The following PTPRT variants were observed in gnomAD, a reference collection of about 807,000 sequenced individuals.
PTPRT encodes protein tyrosine phosphatase receptor type T.
Under a neutral mutation model 176.8 loss-of-function variants are expected in PTPRT, and 56 were observed. That is an observed-to-expected ratio of 0.32 (90% CI 0.26 to 0.40). The LOEUF is 0.40. Ranked by LOEUF, PTPRT falls within the 10% of genes least tolerant of loss-of-function variation. PTPRT has a pLI of 1.00. For synonymous variants in PTPRT, 783 were observed against 739.0 expected (o/e 1.06, Z -0.96); for missense variants, 1,540 against 1,908.2 (o/e 0.81, Z 3.60).
chr20:42,826,875 C>T (rs6130231), intron 2 of PTPRT, among the ~76,000 whole-genome samples: 15,170 of 152,064 alleles, frequency 0.1, 1,040 homozygotes, highest in East Asian at 0.35. Context: ...ATCTACCAAG[C>T]AAATAGAAAT....
chr20:42,050,642 G>A, the PTPRT span, among the ~76,000 whole-genome samples: 1 of 152,238 alleles, frequency 6.6e-6, no homozygotes, highest in African/African-American at 2.4e-5. Context: ...GAAGGAATAT[G>A]TCTATTTTTA....
intron 15 of PTPRT, among the ~76,000 whole-genome samples, chr20:42,229,804 C>A (rs2056097133): frequency 6.6e-6 from 1 of 152,108 alleles, no homozygotes; most frequent in Non-Finnish European, 1.5e-5. Flanking sequence ...GGCCTTAAAC[C>A]CACAGAAGCA....
intron 10 of PTPRT, among the ~76,000 whole-genome samples, chr20:42,350,987 T>G (rs6093628): frequency 0.015 from 2,343 of 152,282 alleles, 78 homozygotes; most frequent in African/African-American, 0.054. Context: ...AACCAAAACG[T>G]TCCACACCTA....
In PTPRT at chr20:42,334,438, C is replaced by G. The variant is rs1353795380; in HGVS notation, c.1865+16190G>C. Among the ~76,000 whole-genome samples, 6 of 152,180 alleles carry G rather than the reference C, an allele frequency of 3.9e-5. No individual in the cohort carries two copies. The East Asian group carries it at 1.2e-3, about 29-fold the overall frequency. ...ATTCACAAAAAAGAAATGTTAATAG[C>G]ATAAAAATACCTAGAAAAATATTCT... is the stretch of plus-strand genomic sequence containing the variant. On this transcript the variant is annotated intron_variant, in intron 11 of 30. Coordinates refer to ENST00000373187, the MANE Select transcript of PTPRT (RefSeq NM_007050.6).
intron 1 of PTPRT, among the ~76,000 whole-genome samples, chr20:43,170,536 C>T (rs1382130037): frequency 6.6e-6 from 1 of 152,162 alleles, no homozygotes; most frequent in Non-Finnish European, 1.5e-5. Flanking sequence ...CTCTAAAATC[C>T]ACCCATCAAA....
At chr20:42,913,383 G>T (rs1309538666) in intron 1 of PTPRT, among the ~76,000 whole-genome samples, 1 of 152,038 alleles carries the variant, frequency 6.6e-6, no homozygotes, top group African/African-American at 2.4e-5. Flanking sequence ...GCATTCCCTG[G>T]CTTGAAGATG....
intron 1 of PTPRT, among the ~76,000 whole-genome samples, chr20:42,909,874 G>C (rs172271): frequency 0.076 from 11,522 of 152,176 alleles, 1,255 homozygotes; most frequent in African/African-American, 0.24. Flanking sequence ...TGCTATTGTC[G>C]ACAGCTCTAG....
At chr20:42,486,048 C>T (rs1369849820) in intron 7 of PTPRT, among the ~76,000 whole-genome samples, 1 of 152,178 alleles carries the variant, frequency 6.6e-6, no homozygotes, top group Non-Finnish European at 1.5e-5. Flanking sequence ...CTAGAAGACA[C>T]ATTATCTGAC....
chr20:42,918,817 G>A (rs1477631565), intron 1 of PTPRT, among the ~76,000 whole-genome samples: 3 of 152,142 alleles, frequency 2.0e-5, no homozygotes, highest in Non-Finnish European at 2.9e-5. Context: ...CGAGTTTTGT[G>A]TGTGTGTGTT....
At chr20:42,655,061 C>T (rs1160661350) in intron 7 of PTPRT, among the ~76,000 whole-genome samples, 1 of 152,108 alleles carries the variant, frequency 6.6e-6, no homozygotes, top group Non-Finnish European at 1.5e-5. Flanking sequence ...ACATGTAATA[C>T]CCCTTCCACC....
chr20:42,251,717 T>TA (rs5841455), intron 13 of PTPRT, among the ~76,000 whole-genome samples: 76,305 of 142,156 alleles, frequency 0.54, 20,625 homozygotes, highest in Non-Finnish European at 0.57. Flanking sequence ...CTGTTGTACT[T>TA]AAAAAACAAA....
Position 42,161,540 on chromosome 20 carries a change from C to T in PTPRT, c.2494G>A (p.Asp832Asn), listed in dbSNP as rs267605935. Residue 832 changes from aspartate to asparagine, a missense_variant and splice_region_variant, in exon 17 of 31, where the codon GAT becomes AAT. Asp to Asn is a conservative substitution (Grantham distance 23). Around this residue, in one of 11 missense-constraint regions of PTPRT, gnomAD observed 255 missense variants for 250.1 expected, o/e 1.02. Coordinates refer to ENST00000373187, the MANE Select transcript of PTPRT (RefSeq NM_007050.6). The stretch of plus-strand genomic sequence containing the variant: ...TGGGAAAGCTCCCCGCGGCTGCCAT[C>T]TGCTTCGAAAAGAAGGAGGCAGAAC... ...SSSQDVNGFT[D>N]GSRGELSQPT... 6.2e-7 allele frequency: 1 copy of T among 1,603,398 alleles called. No individual in the cohort carries two copies. Among genetic ancestry groups the T allele is most frequent in the Non-Finnish European group, 8.5e-7 (1 of 1,175,012 alleles).
intron 17 of PTPRT, among the ~76,000 whole-genome samples, chr20:42,154,495 A>T (rs1568975334): frequency 6.6e-6 from 1 of 152,244 alleles, no homozygotes; most frequent in Non-Finnish European, 1.5e-5. Flanking sequence ...CTGGAAAATG[A>T]ACAAATGTTT....
At chr20:43,077,454 G>A (rs6030633) in intron 1 of PTPRT, among the ~76,000 whole-genome samples, 74,381 of 151,930 alleles carry the variant, frequency 0.49, 18,763 homozygotes, top group East Asian at 0.75. Context: ...GGAGTATAGC[G>A]GTGTGGATCA....
At position 42,886,379 on chromosome 20, in the gene PTPRT, T is replaced by C. The variant is rs148508755; in HGVS notation, c.89-447A>G. Among the ~76,000 whole-genome samples, 12 of 152,266 alleles carry C rather than the reference T, an allele frequency of 7.9e-5. No individual in the cohort carries two copies. The East Asian group carries it at 2.3e-3, about 29-fold the overall frequency. Reference sequence around the variant, plus strand: ...GCTGTGTGAGCTCAGGCCAGATGCTTCATACCTGAGCATCTCCGTTTCCTC... The same window carrying C: ...GCTGTGTGAGCTCAGGCCAGATGCTCCATACCTGAGCATCTCCGTTTCCTC... On this transcript the variant is annotated intron_variant, in intron 1 of 30. Coordinates refer to ENST00000373187, the MANE Select transcript of PTPRT (RefSeq NM_007050.6).
chr20:43,134,359 G>A (rs1483240703), intron 1 of PTPRT, among the ~76,000 whole-genome samples: 2 of 152,196 alleles, frequency 1.3e-5, no homozygotes, highest in East Asian at 1.9e-4. Flanking sequence ...TGCTAGGTCA[G>A]TTTAGCAAGA....
rs768080351 is a variant in PTPRT at position 42,098,520 on chromosome 20, G to C, written c.3747C>G (p.Thr1249=). The change falls in exon 27 of 31, where the codon ACC becomes ACG. Residue 1249 remains threonine, a synonymous_variant. Coordinates refer to ENST00000373187, the MANE Select transcript of PTPRT (RefSeq NM_007050.6). ...CCACGGTGTTGGGTAGAGGGTGCTG[G>C]GTGACCACGAAGGCGGCAGGCTGCT... ...SHKQPAAFVV[T]QHPLPNTVAD... The C allele has an allele frequency of 4.3e-6, 7 of 1,614,046 alleles. No individual in the cohort carries two copies. The highest frequency in any genetic ancestry group is 5.9e-6 in the Non-Finnish European group (7 of 1,180,040).
At chr20:42,845,001 C>T (rs2078344116) in intron 2 of PTPRT, among the ~76,000 whole-genome samples, 1 of 152,258 alleles carries the variant, frequency 6.6e-6, no homozygotes, top group East Asian at 1.9e-4. Context: ...TAGTGCTTTG[C>T]TTGACGGGGA....
chr20:42,350,557 A>G, intron 11 of PTPRT, 71 bp downstream of exon 11: 1 of 1,265,772 alleles, frequency 7.9e-7, no homozygotes, highest in East Asian at 2.3e-5. Flanking sequence ...TGCCAGTCAC[A>G]TGATTCAACT....
Sources: allele counts gnomAD v4.1 joint callset (sites outside exome capture counted in the v4.1 genomes callset), GRCh38; gene constraint gnomAD v4.1.1; regional missense constraint gnomAD v4.1.1; transcripts MANE v1.5; gene names NCBI Gene and HGNC (gene_info 2026-07-23, HGNC 2026-07-21).